Variants in IQCB1 observed in about 807,000 individuals in gnomAD.
IQCB1 encodes the protein IQ motif containing B1.
In IQCB1, 56 loss-of-function variants were observed where a neutral mutation model predicts 84.4. That is an observed-to-expected ratio of 0.66 (90% CI 0.54 to 0.83). IQCB1 has a LOEUF of 0.83. Among genes scored for constraint, IQCB1 ranks in the 40% least tolerant of loss-of-function variants. The pLI, the probability that IQCB1 is intolerant of heterozygous loss-of-function variation, is 0.00. For synonymous variants in IQCB1, 210 were observed against 234.8 expected (o/e 0.89, Z 0.96); for missense variants, 629 against 682.1 (o/e 0.92, Z 0.87).
chr3:121,812,059 C>T (rs1213549348), intron 5 of IQCB1, among the ~76,000 whole-genome samples: 2 of 152,160 alleles, frequency 1.3e-5, no homozygotes, highest in East Asian at 1.9e-4. Context: ...CACTCTGAGA[C>T]GAAGCTTCCA....
chr3:121,832,204 T>C (rs1950665133), intron 2 of IQCB1, among the ~76,000 whole-genome samples: 1 of 152,242 alleles, frequency 6.6e-6, no homozygotes, highest in Non-Finnish European at 1.5e-5. Context: ...GTTTGTCTTA[T>C]TCTTTTGCAG....
intron 13 of IQCB1, among the ~76,000 whole-genome samples, chr3:121,779,193 T>G (rs903025851): frequency 5.3e-5 from 8 of 152,216 alleles, no homozygotes; most frequent in Admixed American, 6.5e-5. Context: ...GGTTTGGGTA[T>G]GGGCTTATCA....
At position 121,804,731 on chromosome 3, in the gene IQCB1, C is replaced by A. The variant is rs1177744709; in HGVS notation, c.587+2613G>T. ...TTTATTGCCCTCAGGGTTTGACGAC[C>A]TTTTTGCATCTGCATGTTTATAGTT... On this transcript the variant is annotated intron_variant, in intron 7 of 14. Transcript: ENST00000310864. 2.0e-5 allele frequency among the ~76,000 whole-genome samples: 3 copies of A among 151,992 alleles called. No individual in the cohort carries two copies. The East Asian group carries it at 5.8e-4, about 29-fold the overall frequency.
chr3:121,810,574 C>T (rs28674947), intron 5 of IQCB1, among the ~76,000 whole-genome samples: 37,152 of 150,998 alleles, frequency 0.25, 4,908 homozygotes, highest in Non-Finnish European at 0.28. Context: ...TATACAAATA[C>T]ATAACATATT....
At chr3:121,800,080 G>T (rs996296860) in intron 7 of IQCB1, among the ~76,000 whole-genome samples, 1 of 151,826 alleles carries the variant, frequency 6.6e-6, no homozygotes, top group Non-Finnish European at 1.5e-5. Flanking sequence ...TTATCTAAGA[G>T]CAATGTAAAC....
intron 10 of IQCB1, among the ~76,000 whole-genome samples, chr3:121,791,006 C>G (rs981448341): frequency 1.3e-5 from 2 of 152,048 alleles, no homozygotes; most frequent in Non-Finnish European, 1.5e-5. Flanking sequence ...TTAGCCATTC[C>G]CATCTAGTTT....
intron 7 of IQCB1, among the ~76,000 whole-genome samples, chr3:121,801,284 A>G (rs573101962): frequency 6.6e-6 from 1 of 152,198 alleles, no homozygotes; most frequent in South Asian, 2.1e-4. Context: ...CCTGATGGAC[A>G]TTTGAGTTTT....
At chr3:121,800,480 C>A (rs987433048) in intron 7 of IQCB1, among the ~76,000 whole-genome samples, 5 of 151,850 alleles carry the variant, frequency 3.3e-5, no homozygotes, top group Non-Finnish European at 7.4e-5. Flanking sequence ...ATAAAGTTAT[C>A]CAATCAAAAT....
intron 5 of IQCB1, among the ~76,000 whole-genome samples, chr3:121,821,779 C>T (rs1365637282): frequency 1.3e-5 from 2 of 152,166 alleles, no homozygotes; most frequent in East Asian, 3.9e-4. Context: ...CAAGCAAAGG[C>T]ACACAGACAT....
Position 121,797,206 on chromosome 3 carries a change from T to C in IQCB1, c.788A>G (p.Lys263Arg). 1 of 1,601,758 alleles carries C rather than the reference T, an allele frequency of 6.2e-7. No homozygotes were observed. Among genetic ancestry groups the C allele is most frequent in the Non-Finnish European group, 8.5e-7 (1 of 1,170,010 alleles). Residue 263 changes from lysine (K) to arginine (R), a missense_variant, in exon 9 of 15, where the codon AAA becomes AGA. Lys to Arg is a conservative substitution (Grantham distance 26). Coordinates refer to ENST00000310864, the MANE Select transcript of IQCB1 (RefSeq NM_001023570.4). ...ACTGAATTCAGTCCCAGTTTCCTGT[T>C]TACTTAGTAGACGTCTGAGTCCTGA... ...CYKGLRRLLSKQETGTEFSQE... is the reference protein window; with the variant it reads ...CYKGLRRLLSRQETGTEFSQE...
intron 7 of IQCB1, among the ~76,000 whole-genome samples, chr3:121,801,723 T>G (rs1949414107): frequency 6.6e-6 from 1 of 151,846 alleles, no homozygotes; most frequent in African/African-American, 2.4e-5. Context: ...GTTCCTCCCT[T>G]GTTGCCTTCC....
At position 121,788,268 on chromosome 3, in the gene IQCB1, A is replaced by G. The variant is rs1299135422; in HGVS notation, c.1278+16T>C. Reference sequence around the variant, plus strand: ...TGCCTCTTGATTCAGAGCTCTTTTCACTACATTAGACTCACTGCTCTTTGA... The same window carrying G: ...TGCCTCTTGATTCAGAGCTCTTTTCGCTACATTAGACTCACTGCTCTTTGA... On this transcript the variant is annotated intron_variant, in intron 12 of 14. Transcript: ENST00000310864. The G allele has an allele frequency of 1.2e-6, 2 of 1,612,794 alleles. No individual in the cohort carries two copies. Among genetic ancestry groups the G allele is most frequent in the African/African-American group, 2.7e-5 (2 of 74,892 alleles).
At chr3:121,816,081 A>G (rs866143677) in intron 5 of IQCB1, among the ~76,000 whole-genome samples, 12 of 152,146 alleles carry the variant, frequency 7.9e-5, no homozygotes, top group African/African-American at 2.9e-4. Context: ...TATATAGACC[A>G]ATGGAACAGA....
In IQCB1 at chr3:121,772,665, G is replaced by C; in HGVS notation, c.1459C>G (p.Gln487Glu). The C allele has an allele frequency of 6.2e-7, 1 of 1,614,150 alleles. No homozygotes were observed. The highest frequency in any genetic ancestry group is 1.1e-5 in the South Asian group (1 of 91,078). The change falls in exon 14 of 15, where the codon CAA becomes GAA. Residue 487 changes from glutamine to glutamate, a missense_variant. Physicochemically the swap from Gln to Glu is conservative, Grantham distance 29 (BLOSUM62 2). Coordinates refer to ENST00000310864, the MANE Select transcript of IQCB1 (RefSeq NM_001023570.4). ...ATAAAGTAGTGTTGCAGTCGTTCTTGAGCTTGGGCATGGAGCTCCCTACTG... is the reference window on the plus strand; with the variant it reads ...ATAAAGTAGTGTTGCAGTCGTTCTTCAGCTTGGGCATGGAGCTCCCTACTG... ...VVSRELHAQA[Q>E]ERLQHYFMGR... is the part of the protein sequence containing the mutation.
chr3:121,816,732 A>G (rs1950076720), intron 5 of IQCB1, among the ~76,000 whole-genome samples: 1 of 152,214 alleles, frequency 6.6e-6, no homozygotes, highest in Admixed American at 6.5e-5. Context: ...CACTCCAGTT[A>G]GAGTGGCGAT....
chr3:121,807,305 TAA>T (rs5852278), intron 7 of IQCB1, 37 bp downstream of exon 7: 6 of 969,434 alleles, frequency 6.2e-6, no homozygotes, highest in African/African-American at 1.6e-5. Context: ...ATGCTTCTGA[TAA>T]AAAAAAAGCA....
rs768883165 is a variant in IQCB1, at chr3:121,826,048, T to C, written c.393+3A>G. 6.2e-7 allele frequency: 1 copy of C among 1,611,734 alleles called. No homozygotes were observed. Among genetic ancestry groups the C allele is most frequent in the Non-Finnish European group, 8.5e-7 (1 of 1,178,010 alleles). On this transcript the variant is annotated splice_donor_region_variant and intron_variant, in intron 5 of 14. Transcript: ENST00000310864. ...AGCTACAAAAGACTAAATAAACACA[T>C]ACCTTAGCTGCATTGATAAAACATG... is the stretch of plus-strand genomic sequence containing the variant.
At chr3:121,803,239 A>G (rs892442823) in intron 7 of IQCB1, among the ~76,000 whole-genome samples, 12 of 152,038 alleles carry the variant, frequency 7.9e-5, no homozygotes, top group African/African-American at 2.7e-4. Context: ...TACTTTTTGT[A>G]GAGATGGGGT....
At chr3:121,819,241 T>C (rs1474832449) in intron 5 of IQCB1, among the ~76,000 whole-genome samples, 1 of 152,164 alleles carries the variant, frequency 6.6e-6, no homozygotes, top group African/African-American at 2.4e-5. Context: ...CTGAGAGTGA[T>C]GGGAGACAGT....
Sources: gnomAD v4.1 joint callset for allele counts (sites outside exome capture counted in the v4.1 genomes callset) on GRCh38, gnomAD v4.1.1 for gene constraint, MANE v1.5 for transcripts, NCBI Gene and HGNC (gene_info 2026-07-23, HGNC 2026-07-21) for gene names.